The following PDZRN4 variants were observed in gnomAD, a reference collection of about 807,000 sequenced individuals.
PDZRN4 encodes PDZ domain containing ring finger 4.
PDZRN4 carries 70 observed loss-of-function variants against 99.0 expected under a neutral mutation model. The ratio of observed to expected loss-of-function variants is 0.71; its 90% CI spans 0.58 to 0.86. The LOEUF is 0.86. Ranked by LOEUF, PDZRN4 falls within the 40% of genes least tolerant of loss-of-function variation. PDZRN4 has a pLI of 0.00. For synonymous variants in PDZRN4, 551 were observed against 501.6 expected (o/e 1.10, Z -1.32); for missense variants, 1,474 against 1,331.2 (o/e 1.11, Z -1.67).
At chr12:41,563,206 T>C (rs1939303161) in intron 7 of PDZRN4, among the ~76,000 whole-genome samples, 1 of 152,130 alleles carries the variant, frequency 6.6e-6, no homozygotes, top group Non-Finnish European at 1.5e-5. Context: ...CCCAGCACTA[T>C]TATCTCAGAG....
At chr12:41,468,363 G>T (rs1379726578) in intron 3 of PDZRN4, among the ~76,000 whole-genome samples, 1 of 152,110 alleles carries the variant, frequency 6.6e-6, no homozygotes, top group Non-Finnish European at 1.5e-5. Flanking sequence ...CCCATACATA[G>T]GAGGGAATGT....
chr12:41,361,905 T>C (rs1236609771), intron 3 of PDZRN4, among the ~76,000 whole-genome samples: 6 of 152,118 alleles, frequency 3.9e-5, no homozygotes, highest in Non-Finnish European at 4.4e-5. Flanking sequence ...AGATTTTAAT[T>C]GTACTCGGGG....
intron 3 of PDZRN4, among the ~76,000 whole-genome samples, chr12:41,210,472 G>A (rs1591969259): frequency 6.6e-6 from 1 of 151,946 alleles, no homozygotes; most frequent in Non-Finnish European, 1.5e-5. Context: ...TGGAAGGGAA[G>A]TGTTAAAATA....
At chr12:41,195,597 C>T (rs1206680537) in intron 3 of PDZRN4, among the ~76,000 whole-genome samples, 1 of 151,826 alleles carries the variant, frequency 6.6e-6, no homozygotes, top group Non-Finnish European at 1.5e-5. Flanking sequence ...GAAGAGTTAT[C>T]TTTTGCCAAA....
intron 3 of PDZRN4, among the ~76,000 whole-genome samples, chr12:41,428,133 C>T (rs927246214): frequency 1.1e-4 from 16 of 152,022 alleles, no homozygotes; most frequent in Non-Finnish European, 1.9e-4. Flanking sequence ...TCTTTACTTC[C>T]TATCCCACTA....
rs764671074 is a variant in PDZRN4 at position 41,573,411 on chromosome 12, G to A, written c.2632G>A (p.Glu878Lys). The A allele has an allele frequency of 4.3e-6, 7 of 1,613,506 alleles. 1 individual carries two copies. Among genetic ancestry groups the A allele is most frequent in the South Asian group, 3.3e-5 (3 of 91,082 alleles). The change falls in exon 10 of 10, where the codon GAG becomes AAG. Residue 878 changes from glutamate to lysine, a missense_variant. By Grantham distance (56) the Glu-to-Lys change is moderately conservative (BLOSUM62 1). Transcript: ENST00000402685. Reference sequence around the variant, plus strand: ...GCTCAGCTTGGTGAGCATGTGCAAGGAGTCTCAGAAGTGTTCAGAGCCCAA... The same window carrying A: ...GCTCAGCTTGGTGAGCATGTGCAAGAAGTCTCAGAAGTGTTCAGAGCCCAA... ...SQLSLVSMCK[E>K]SQKCSEPKME...
intron 3 of PDZRN4, among the ~76,000 whole-genome samples, chr12:41,348,291 G>A (rs976068029): frequency 2.0e-5 from 3 of 151,988 alleles, no homozygotes; most frequent in African/African-American, 4.8e-5. Context: ...CAAAACTCTG[G>A]GGGCCCCTGG....
intron 3 of PDZRN4, among the ~76,000 whole-genome samples, chr12:41,419,125 G>A (rs1323169514): frequency 6.6e-6 from 1 of 152,140 alleles, no homozygotes; most frequent in Non-Finnish European, 1.5e-5. Context: ...TGTATTAGGA[G>A]CCTTTCTTTT....
intron 5 of PDZRN4, among the ~76,000 whole-genome samples, chr12:41,515,228 A>G (rs185559194): frequency 4.9e-4 from 74 of 152,222 alleles, no homozygotes; most frequent in African/African-American, 1.8e-3. Flanking sequence ...ATTGATAAAG[A>G]GACCATATGT....
At chr12:41,351,592 G>A (rs538428634) in intron 3 of PDZRN4, among the ~76,000 whole-genome samples, 4 of 151,822 alleles carry the variant, frequency 2.6e-5, no homozygotes, top group East Asian at 1.9e-4. Flanking sequence ...GAGAGAGAAC[G>A]GGGAGGTGCT....
intron 3 of PDZRN4, among the ~76,000 whole-genome samples, chr12:41,427,410 A>C (rs1592055645): frequency 6.6e-6 from 1 of 152,172 alleles, no homozygotes; most frequent in Non-Finnish European, 1.5e-5. Flanking sequence ...CCTTTGTGGT[A>C]GGTACTATGA....
intron 3 of PDZRN4, among the ~76,000 whole-genome samples, chr12:41,325,105 A>G (rs1374981765): frequency 6.6e-6 from 1 of 152,160 alleles, no homozygotes; most frequent in Non-Finnish European, 1.5e-5. Flanking sequence ...TATATAATTA[A>G]TGTTTGTGAA....
intron 5 of PDZRN4, among the ~76,000 whole-genome samples, chr12:41,539,689 C>A (rs1261910214): frequency 1.3e-5 from 2 of 152,098 alleles, no homozygotes; most frequent in Non-Finnish European, 2.9e-5. Context: ...ATTTTCTATT[C>A]TTCTTCTTCT....
At chr12:41,525,817 T>C (rs1433189239) in intron 5 of PDZRN4, among the ~76,000 whole-genome samples, 1 of 152,106 alleles carries the variant, frequency 6.6e-6, no homozygotes, top group African/African-American at 2.4e-5. Context: ...ACATAGTAGG[T>C]CTGAATATAT....
intron 3 of PDZRN4, among the ~76,000 whole-genome samples, chr12:41,351,344 G>A (rs1234986171): frequency 6.6e-6 from 1 of 152,100 alleles, no homozygotes; most frequent in Non-Finnish European, 1.5e-5. Context: ...GAGTTTGAAA[G>A]TCAGTGGGGG....
chr12:41,558,658 A>C (rs1304155273), intron 7 of PDZRN4, among the ~76,000 whole-genome samples: 1 of 152,180 alleles, frequency 6.6e-6, no homozygotes, highest in African/African-American at 2.4e-5. Flanking sequence ...AGCATTTCTT[A>C]ATGGTCTAGA....
chr12:41,529,217 G>T (rs538229026), intron 5 of PDZRN4, among the ~76,000 whole-genome samples: 22 of 95,138 alleles, frequency 2.3e-4, no homozygotes, highest in African/African-American at 1.4e-3. Context: ...GCATGTGCAC[G>T]TGTGTGTGTG....
rs573875986 is a variant in PDZRN4, at chr12:41,545,484, G to A, written c.1204-7172G>A. ...TACCATGTCCACAAGATTTCCCTCTGCCCCAGCCCATATTGATGATATTAA... is the reference window on the plus strand; with the variant it reads ...TACCATGTCCACAAGATTTCCCTCTACCCCAGCCCATATTGATGATATTAA... On this transcript the variant is annotated intron_variant, in intron 5 of 9. Transcript: ENST00000402685. Among the ~76,000 whole-genome samples the A allele has an allele frequency of 2.7e-5, 4 of 149,966 alleles. No individual in the cohort carries two copies. The Admixed American group carries it at 2.7e-4, about 10-fold the overall frequency.
chr12:41,530,597 G>A (rs1938644394), intron 5 of PDZRN4, among the ~76,000 whole-genome samples: 1 of 152,154 alleles, frequency 6.6e-6, no homozygotes, highest in Non-Finnish European at 1.5e-5. Context: ...GCATAGACTG[G>A]TGCATATTAA....
Sources: allele counts gnomAD v4.1 joint callset (sites outside exome capture counted in the v4.1 genomes callset), GRCh38; gene constraint gnomAD v4.1.1; transcripts MANE v1.5; gene names NCBI Gene and HGNC (gene_info 2026-07-23, HGNC 2026-07-21).